The following PEAK1 variants were observed in gnomAD, a reference collection of about 807,000 sequenced individuals.
PEAK1 encodes pseudopodium enriched atypical kinase 1.
Under a neutral mutation model 124.7 loss-of-function variants are expected in PEAK1, and 54 were observed. The ratio of observed to expected loss-of-function variants is 0.43; its 90% CI spans 0.35 to 0.54. The LOEUF (loss-of-function observed/expected upper bound fraction) is 0.54. Among genes scored for constraint, PEAK1 ranks in the 20% least tolerant of loss-of-function variants. The pLI, the probability that PEAK1 is intolerant of heterozygous loss-of-function variation, is 0.01. For missense variants in PEAK1, 2,046 were observed against 2,134.5 expected (o/e 0.96, Z 0.82); for synonymous variants, 719 against 760.0 (o/e 0.95, Z 0.89).
At chr15:77,340,192 T>A (rs1236831092) in intron 2 of PEAK1, among the ~76,000 whole-genome samples, 1 of 152,232 alleles carries the variant, frequency 6.6e-6, no homozygotes, top group Non-Finnish European at 1.5e-5. Flanking sequence ...AGAAGTTTTA[T>A]TTCTTAACTG....
At chr15:77,418,774 GAGC>G in intron 1 of PEAK1, 1 of 985,224 alleles carries the variant, frequency 1.0e-6, no homozygotes, top group Non-Finnish European at 1.2e-6. Flanking sequence ...ACACTGCAGA[GAGC>G]AATATGGGTT....
chr15:77,346,126 T>C (rs1489160249), intron 2 of PEAK1: 2 of 985,424 alleles, frequency 2.0e-6, no homozygotes, highest in Non-Finnish European at 2.4e-6. Flanking sequence ...GTCAAAGCTA[T>C]ATTTTATAGA....
At chr15:77,348,051 G>A (rs569661265) in intron 2 of PEAK1, 1 of 985,142 alleles carries the variant, frequency 1.0e-6, no homozygotes, top group East Asian at 1.1e-4. Context: ...TCAAATATAT[G>A]CACTTTTCTA....
In PEAK1 at chr15:77,340,355, A is replaced by C. The variant is rs141654450; in HGVS notation, c.-603+24808T>G. Among the ~76,000 whole-genome samples, 5 of 152,354 alleles carry C rather than the reference A, an allele frequency of 3.3e-5. No homozygotes were observed. In the East Asian group the frequency reaches 9.6e-4, roughly 29 times the overall value. ...TGAACTAACACAGATAAGTGAAAGA[A>C]GCCATCTGAAGAGACTACATACTAT... On this transcript the variant is annotated intron_variant, in intron 2 of 9. Coordinates refer to ENST00000682557, the MANE Select transcript of PEAK1 (RefSeq NM_001385026.1).
rs548364569 is a variant in PEAK1, at chr15:77,370,889, G to A, written c.-665-5664C>T. On this transcript the variant is annotated intron_variant, in intron 1 of 9. Transcript: ENST00000682557. Reference sequence around the variant, plus strand: ...TACTAAAATACAAAAAATTAATCACGTGTGGTGGCCCACGCCTGTAGTCCC... The same window carrying A: ...TACTAAAATACAAAAAATTAATCACATGTGGTGGCCCACGCCTGTAGTCCC... 18 of 447,090 alleles carry A rather than the reference G, an allele frequency of 4.0e-5. No homozygotes were observed. In the South Asian group the frequency reaches 8.6e-4, roughly 21 times the overall value. 27.7% of individuals were successfully genotyped at this position (447,090 alleles called of 1,614,324 possible). A position where few individuals can be genotyped will look rare whatever the true frequency, so the allele number is the denominator to read the frequency against.
At chr15:77,237,711 A>C (rs1216004828) in intron 6 of PEAK1, among the ~76,000 whole-genome samples, 2 of 152,072 alleles carry the variant, frequency 1.3e-5, no homozygotes, top group Non-Finnish European at 2.9e-5. Context: ...GGTTTTTATC[A>C]CATTAAAAAA....
At chr15:77,300,377 G>C (rs1469493810) in intron 2 of PEAK1, among the ~76,000 whole-genome samples, 1 of 152,174 alleles carries the variant, frequency 6.6e-6, no homozygotes, top group Non-Finnish European at 1.5e-5. Flanking sequence ...GCCAAAGTAA[G>C]AAAACTCTTG....
At chr15:77,137,585 G>A (rs1034174174) in intron 8 of PEAK1, among the ~76,000 whole-genome samples, 1 of 152,200 alleles carries the variant, frequency 6.6e-6, no homozygotes, top group African/African-American at 2.4e-5. Flanking sequence ...TAGCCCCTTT[G>A]TTCTGGCCAA....
intron 6 of PEAK1, among the ~76,000 whole-genome samples, chr15:77,214,699 G>C (rs552568349): frequency 6.6e-6 from 1 of 152,074 alleles, no homozygotes; most frequent in East Asian, 1.9e-4. Context: ...TCTGTTTCTA[G>C]GGAGGCCTCA....
At chr15:77,193,691 C>T (rs1252778289) in intron 6 of PEAK1, among the ~76,000 whole-genome samples, 1 of 152,140 alleles carries the variant, frequency 6.6e-6, no homozygotes, top group African/African-American at 2.4e-5. Context: ...GTAATCCCAG[C>T]TACTTGGGAA....
chr15:77,404,266 T>A, intron 1 of PEAK1: 1 of 985,326 alleles, frequency 1.0e-6, no homozygotes, highest in Non-Finnish European at 1.2e-6. Context: ...CTCATACACC[T>A]CTCCAGAATA....
chr15:77,139,003 C>T (rs996636270), intron 8 of PEAK1, among the ~76,000 whole-genome samples: 1 of 151,838 alleles, frequency 6.6e-6, no homozygotes, highest in Non-Finnish European at 1.5e-5. Flanking sequence ...ACCCCTGGTA[C>T]ATGTGAATGT....
chr15:77,127,972 G>C (rs2052530622), intron 9 of PEAK1, among the ~76,000 whole-genome samples: 1 of 151,944 alleles, frequency 6.6e-6, no homozygotes, highest in African/African-American at 2.4e-5. Flanking sequence ...CCAGCTACTT[G>C]GGGGGCTAAG....
exon 7 of PEAK1, chr15:77,102,012 CAG>C (rs1490978231): frequency 6.6e-6 from 1 of 152,122 alleles, no homozygotes; most frequent in Non-Finnish European, 1.5e-5. Flanking sequence ...AAGAAAAAGG[CAG>C]AGTAAACAAC....
At chr15:77,337,691 ATT>A (rs2066287065) in intron 2 of PEAK1, 2 of 985,182 alleles carry the variant, frequency 2.0e-6, no homozygotes, top group Non-Finnish European at 2.4e-6. Context: ...CGGAAAAGTC[ATT>A]TGTCAGTAAC....
intron 1 of PEAK1, among the ~76,000 whole-genome samples, chr15:77,385,017 T>C (rs1342935899): frequency 6.6e-6 from 1 of 152,168 alleles, no homozygotes; most frequent in African/African-American, 2.4e-5. Flanking sequence ...TCTCAGAGCA[T>C]ATGCAATTAA....
chr15:77,194,484 T>C (rs1377182783), intron 6 of PEAK1, among the ~76,000 whole-genome samples: 1 of 152,200 alleles, frequency 6.6e-6, no homozygotes, highest in African/African-American at 2.4e-5. Context: ...CATATAGCAA[T>C]TGTTCAAAAT....
In PEAK1 at chr15:77,115,266, G is replaced by T; in HGVS notation, c.4131C>A (p.Val1377=). 1 of 1,614,158 alleles carries T rather than the reference G, an allele frequency of 6.2e-7. No homozygotes were observed. Among genetic ancestry groups the T allele is most frequent in the Non-Finnish European group, 8.5e-7 (1 of 1,180,014 alleles). Reference sequence around the variant, plus strand: ...TAAAATGGACAGCCAGACTCTGCCGGACAGCCAAGCTGTGATAATACTGCT... The same window carrying T: ...TAAAATGGACAGCCAGACTCTGCCGTACAGCCAAGCTGTGATAATACTGCT... ...ESQQYYHSLA[V]RQSLAVHFNI... Residue 1377 remains valine, a synonymous_variant, in exon 10 of 10, where the codon GTC becomes GTA. Transcript: ENST00000682557.
At chr15:77,353,914 T>C (rs956191243) in intron 2 of PEAK1, among the ~76,000 whole-genome samples, 3 of 152,250 alleles carry the variant, frequency 2.0e-5, no homozygotes, top group Non-Finnish European at 2.9e-5. Flanking sequence ...AAGGTGTTAC[T>C]GTGAAATCCT....
Sources: gnomAD v4.1 joint callset for allele counts (sites outside exome capture counted in the v4.1 genomes callset) on GRCh38, gnomAD v4.1.1 for gene constraint, MANE v1.5 for transcripts, NCBI Gene and HGNC (gene_info 2026-07-23, HGNC 2026-07-21) for gene names.